GCC2: variants seen among roughly 807,000 people sequenced by gnomAD.
GCC2 encodes GRIP and coiled-coil domain containing 2, also known as GRIP and coiled-coil domain-containing protein 2.
In GCC2, 120 loss-of-function variants were observed where a neutral mutation model predicts 210.6. The ratio of observed to expected loss-of-function variants is 0.57; its 90% confidence interval spans 0.49 to 0.66. GCC2 has a LOEUF of 0.66. Ranked by LOEUF, GCC2 falls within the 30% of genes least tolerant of loss-of-function variation. GCC2 has a pLI of 0.00. For synonymous variants in GCC2, 703 were observed against 652.7 expected, an observed-to-expected ratio of 1.08 and a Z score of -1.17; for missense variants, 1,868 against 1,871.9, an observed-to-expected ratio of 1.00 and a Z score of 0.04.
Position 108,472,942 on chromosome 2 carries a change from ATTC to A in GCC2, c.2860+49_2860+51del, listed in dbSNP as rs760876703. 14 of 1,127,912 alleles carry A rather than the reference ATTC, an allele frequency of 1.2e-5. No individual in the cohort carries two copies. The Middle Eastern group carries it at 6.4e-4, about 52-fold the overall frequency. 69.9% of individuals were successfully genotyped at this position (1,127,912 alleles called of 1,614,324 possible). On this transcript the variant is annotated intron_variant, in intron 7 of 22. Transcript: ENST00000309863. Reference sequence around the variant, plus strand: ...GATGTTGTCACAATTAATTAGACAGATTCTTCTTAGTGTTAGAATAGATTGGGA... The same window carrying A: ...GATGTTGTCACAATTAATTAGACAGATTCTTAGTGTTAGAATAGATTGGGA...
chr2:108,465,708 C>A (rs1558735599), intron 4 of GCC2, among the ~76,000 whole-genome samples: 1 of 152,124 alleles, frequency 6.6e-6, no homozygotes, highest in Non-Finnish European at 1.5e-5. Flanking sequence ...TTCTATAAGT[C>A]ATTTTGGATT....
At chr2:108,456,949 A>T (rs1209418150) in intron 4 of GCC2, among the ~76,000 whole-genome samples, 2 of 23,858 alleles carry the variant, frequency 8.4e-5, no homozygotes, top group African/African-American at 2.3e-4. Flanking sequence ...GCCCTTACAT[A>T]AAAAAAAAAA....
chr2:108,452,902 C>T (rs916140770), intron 4 of GCC2, among the ~76,000 whole-genome samples: 1 of 152,070 alleles, frequency 6.6e-6, no homozygotes, highest in South Asian at 2.1e-4. Context: ...CCATGTTGGC[C>T]AAGATGGTCT....
At chr2:108,502,383 C>T in intron 22 of GCC2, among the ~76,000 whole-genome samples, 1 of 152,020 alleles carries the variant, frequency 6.6e-6, no homozygotes, top group Non-Finnish European at 1.5e-5. Context: ...AGAGACTAAC[C>T]TAAGGGATAC....
chr2:108,465,543 A>T (rs575947512), intron 4 of GCC2, among the ~76,000 whole-genome samples: 16 of 151,790 alleles, frequency 1.1e-4, no homozygotes, highest in African/African-American at 3.1e-4. Context: ...CCATTATATC[A>T]CTCTGTATGG....
chr2:108,487,869 CT>C, intron 17 of GCC2, 49 bp downstream of exon 17: 1 of 1,387,132 alleles, frequency 7.2e-7, no homozygotes, highest in Non-Finnish European at 9.9e-7. Flanking sequence ...AATGCAGGTT[CT>C]TCACCAAGTA....
At chr2:108,464,149 T>A (rs1009081737) in intron 4 of GCC2, among the ~76,000 whole-genome samples, 2 of 152,048 alleles carry the variant, frequency 1.3e-5, no homozygotes, top group African/African-American at 4.8e-5. Context: ...GACAGCAGCA[T>A]GTTGTGTCGC....
chr2:108,476,512 A>G (rs529383610), intron 9 of GCC2, among the ~76,000 whole-genome samples: 3 of 152,354 alleles, frequency 2.0e-5, no homozygotes, highest in Admixed American at 1.3e-4. Context: ...AAGGTGAAGC[A>G]TTGTTATTTG....
intron 5 of GCC2, chr2:108,469,348 C>T: frequency 2.4e-6 from 1 of 422,748 alleles, no homozygotes. Context: ...TTGATTTTCA[C>T]ACATGACTAA....
At chr2:108,453,124 A>T (rs914488119) in intron 4 of GCC2, among the ~76,000 whole-genome samples, 1 of 152,222 alleles carries the variant, frequency 6.6e-6, no homozygotes, top group African/African-American at 2.4e-5. Context: ...ATCCCTGGAC[A>T]TGTCTACTGA....
At chr2:108,450,015 A>T in intron 2 of GCC2, 1 of 263,372 alleles carries the variant, frequency 3.8e-6, no homozygotes, top group Non-Finnish European at 7.2e-6. Flanking sequence ...AGGGATTCTG[A>T]TCTGTGGGCT....
chr2:108,452,549 T>C (rs919999079), intron 4 of GCC2, 83 bp downstream of exon 4: 1 of 841,502 alleles, frequency 1.2e-6, no homozygotes, highest in Non-Finnish European at 2.0e-6. Flanking sequence ...TCTGGCTTTC[T>C]GTTTCTGTTC....
At chr2:108,480,551 A>G (rs1239562079) in intron 9 of GCC2, among the ~76,000 whole-genome samples, 1 of 152,206 alleles carries the variant, frequency 6.6e-6, no homozygotes. Context: ...TATATACACC[A>G]TGGAATACTA....
chr2:108,449,954 A>C (rs1558722992), intron 2 of GCC2: 1 of 464,122 alleles, frequency 2.2e-6, no homozygotes, highest in Admixed American at 3.8e-5. Context: ...CAGTCTAAGA[A>C]GGTTTATATA....
chr2:108,469,239 A>AT (rs1681059678), intron 5 of GCC2, 155 bp downstream of exon 5: 2 of 511,084 alleles, frequency 3.9e-6, no homozygotes, highest in Non-Finnish European at 7.0e-6. Flanking sequence ...AAATAACTGA[A>AT]TCACCTAACT....
Position 108,489,902 on chromosome 2 carries a change from C to A in GCC2, c.4117C>A (p.Gln1373Lys), listed in dbSNP as rs201598096. ...IKLQDSQNNL[Q>K]INVSELQTLQ... ...ATTACAAGATAGCCAAAATAACTTA[C>A]AGATTAATGTATCTGAACTTCAAAC... Residue 1373 changes from glutamine (Q) to lysine (K), a missense_variant, in exon 18 of 23, where the codon CAG (glutamine) becomes AAG (lysine). This residue lies in a region of GCC2 where 1,847 missense variants were observed against 1,765.2 expected (regional missense o/e 1.05). Coordinates refer to ENST00000309863, the MANE Select transcript of GCC2 (RefSeq NM_181453.4). 81 of 1,610,278 alleles carry A rather than the reference C, an allele frequency of 5.0e-5. 1 individual carries two copies. The Middle Eastern group carries it at 9.9e-4, about 20-fold the overall frequency.
At chr2:108,473,219 A>G in intron 7 of GCC2, 1 of 235,660 alleles carries the variant, frequency 4.2e-6, no homozygotes, top group Non-Finnish European at 8.1e-6. Context: ...AAAGTGGTTG[A>G]GGTACAGACC....
intron 9 of GCC2, among the ~76,000 whole-genome samples, chr2:108,478,589 A>G (rs1387798294): frequency 6.6e-6 from 1 of 152,216 alleles, no homozygotes; most frequent in Non-Finnish European, 1.5e-5. Context: ...TACCCTACAT[A>G]AGGAAAGTAG....
At chr2:108,504,744 A>C (rs756218531) in intron 22 of GCC2, among the ~76,000 whole-genome samples, 3 of 152,338 alleles carry the variant, frequency 2.0e-5, no homozygotes, top group East Asian at 1.9e-4. Context: ...CTACTCAAGC[A>C]GGAAGTAAAA....
Sources: gnomAD v4.1 joint callset for allele counts (sites outside exome capture counted in the v4.1 genomes callset) on GRCh38, gnomAD v4.1.1 for gene constraint, gnomAD v4.1.1 regional missense constraint, MANE v1.5 for transcripts, NCBI Gene and HGNC (gene_info 2026-07-23, HGNC 2026-07-21) for gene names.